Variants in CADM2 observed in about 807,000 individuals in gnomAD.
CADM2 encodes the protein immunoglobulin superfamily member 4D.
Under a neutral mutation model 49.8 loss-of-function variants are expected in CADM2, and 12 were observed. The ratio of observed to expected loss-of-function variants is 0.24; its 90% CI spans 0.15 to 0.39. The LOEUF is 0.39. CADM2 is among the 10% of genes least tolerant of loss of function. The pLI is 1.00. For synonymous variants in CADM2, 214 were observed against 175.4 expected (o/e 1.22, Z -1.74); for missense variants, 378 against 492.3 (o/e 0.77, Z 2.20).
intron 1 of CADM2, among the ~76,000 whole-genome samples, chr3:85,274,282 C>T (rs2043308811): frequency 6.6e-6 from 1 of 151,170 alleles, no homozygotes; most frequent in Admixed American, 6.6e-5. Context: ...ATATAAGAAA[C>T]GACAGCATGT....
chr3:85,568,477 T>TTC (rs1559916130), intron 1 of CADM2, among the ~76,000 whole-genome samples: 3 of 39,186 alleles, frequency 7.7e-5, no homozygotes, highest in African/African-American at 2.3e-4. Context: ...TTCTCTCTCT[T>TTC]TCTTTCTTTC....
At chr3:85,715,595 T>G (rs941258912) in intron 1 of CADM2, among the ~76,000 whole-genome samples, 6 of 152,264 alleles carry the variant, frequency 3.9e-5, no homozygotes, top group East Asian at 1.9e-4. Flanking sequence ...CATGGTGGTT[T>G]GCTTCACCCA....
chr3:85,936,913 G>T (rs1053466405), intron 7 of CADM2, among the ~76,000 whole-genome samples: 1 of 151,458 alleles, frequency 6.6e-6, no homozygotes, highest in African/African-American at 2.4e-5. Flanking sequence ...GATTGTTTTT[G>T]GTCTTCTTTC....
At chr3:85,841,772 T>C (rs2074649348) in intron 3 of CADM2, among the ~76,000 whole-genome samples, 1 of 152,022 alleles carries the variant, frequency 6.6e-6, no homozygotes. Flanking sequence ...TGCCTGCATA[T>C]AACATTATTC....
intron 1 of CADM2, among the ~76,000 whole-genome samples, chr3:85,642,117 A>G (rs1196211735): frequency 6.6e-6 from 1 of 152,180 alleles, no homozygotes; most frequent in African/African-American, 2.4e-5. Flanking sequence ...ATGGGAGGCC[A>G]TTACCCTTTG....
intron 1 of CADM2, among the ~76,000 whole-genome samples, chr3:85,375,043 AT>A (rs1383021578): frequency 6.6e-6 from 1 of 152,176 alleles, no homozygotes; most frequent in Non-Finnish European, 1.5e-5. Flanking sequence ...ATTCAACAAA[AT>A]TTATTATAGG....
intron 1 of CADM2, among the ~76,000 whole-genome samples, chr3:85,682,023 C>T (rs974213670): frequency 2.6e-5 from 4 of 152,020 alleles, no homozygotes; most frequent in Admixed American, 2.0e-4. Flanking sequence ...AGAAAGAATG[C>T]ACTTTGGTTT....
At chr3:85,158,097 C>T (rs1277096203) in intron 1 of CADM2, among the ~76,000 whole-genome samples, 1 of 152,130 alleles carries the variant, frequency 6.6e-6, no homozygotes, top group African/African-American at 2.4e-5. Context: ...AAAATGCTCA[C>T]CATCACTGGC....
At chr3:85,702,940 C>T (rs1385859726) in intron 1 of CADM2, among the ~76,000 whole-genome samples, 2 of 152,140 alleles carry the variant, frequency 1.3e-5, no homozygotes, top group African/African-American at 4.8e-5. Context: ...GCATTTCCTG[C>T]TCCTTTCAAT....
chr3:85,097,978 T>C, intron 1 of CADM2, among the ~76,000 whole-genome samples: 1 of 152,132 alleles, frequency 6.6e-6, no homozygotes, highest in East Asian at 1.9e-4. Context: ...GAATAAACTC[T>C]TTTTCAGACA....
intron 1 of CADM2, among the ~76,000 whole-genome samples, chr3:85,232,155 T>C (rs1221001804): frequency 6.6e-6 from 1 of 150,458 alleles, no homozygotes; most frequent in Non-Finnish European, 1.5e-5. Context: ...ATTATTATTA[T>C]TATTATTATT....
chr3:85,690,175 C>T (rs183789797), intron 1 of CADM2, among the ~76,000 whole-genome samples: 1 of 152,274 alleles, frequency 6.6e-6, no homozygotes, highest in East Asian at 1.9e-4. Context: ...CAGAATGACT[C>T]TATCTCTAGA....
intron 1 of CADM2, among the ~76,000 whole-genome samples, chr3:85,285,369 A>G (rs2106907852): frequency 6.6e-6 from 1 of 152,256 alleles, no homozygotes; most frequent in East Asian, 1.9e-4. Flanking sequence ...TCAAAAACCA[A>G]TACCTAGGCA....
At chr3:85,708,162 C>G (rs1442435717) in intron 1 of CADM2, among the ~76,000 whole-genome samples, 2 of 152,022 alleles carry the variant, frequency 1.3e-5, no homozygotes, top group African/African-American at 4.8e-5. Context: ...GTAAACATGT[C>G]AAATCTTTTT....
Position 85,935,695 on chromosome 3 carries a change from A to T in CADM2, c.701-72A>T, listed in dbSNP as rs1349802473. ...ATATAAGAAATGCTGAACACACAGC[A>T]TGATGCACAGTTATTAAATATCTAG... On this transcript the variant is annotated intron_variant, in intron 6 of 9. Coordinates refer to ENST00000383699, the MANE Select transcript of CADM2 (RefSeq NM_001167675.2). The T allele has an allele frequency of 3.8e-5, 26 of 691,896 alleles. No individual in the cohort carries two copies. In the East Asian group the frequency reaches 6.8e-4, roughly 18 times the overall value. The allele number at this position is 691,896 out of a possible 1,614,324, so 42.9% of individuals were successfully genotyped here. A position where few individuals can be genotyped will look rare whatever the true frequency, so the allele number is the denominator to read the frequency against.
At chr3:85,347,610 A>AT (rs1421582551) in intron 1 of CADM2, among the ~76,000 whole-genome samples, 2 of 90,050 alleles carry the variant, frequency 2.2e-5, no homozygotes, top group African/African-American at 6.6e-5. Flanking sequence ...TATATATAAA[A>AT]ATATATATAC....
chr3:85,325,702 A>AAG (rs1553708909), intron 1 of CADM2, among the ~76,000 whole-genome samples: 2 of 151,778 alleles, frequency 1.3e-5, no homozygotes, highest in African/African-American at 4.8e-5. Flanking sequence ...AAAAAAAAAA[A>AAG]AAAAAAGTGT....
chr3:85,199,333 TTGTGTGTGTG>T (rs35067183), intron 1 of CADM2, among the ~76,000 whole-genome samples: 3 of 134,482 alleles, frequency 2.2e-5, no homozygotes, highest in Non-Finnish European at 3.1e-5. Context: ...GTAACTCTCT[TTGTGTGTGTG>T]TGTGTGTGTG....
intron 1 of CADM2, among the ~76,000 whole-genome samples, chr3:85,336,983 T>G: frequency 7.7e-6 from 1 of 129,696 alleles, no homozygotes; most frequent in East Asian, 2.2e-4. Context: ...ATATTTAATA[T>G]ATATATATTT....
Sources: allele counts gnomAD v4.1 joint callset (sites outside exome capture counted in the v4.1 genomes callset), GRCh38; gene constraint gnomAD v4.1.1; transcripts MANE v1.5; gene names NCBI Gene and HGNC (gene_info 2026-07-23, HGNC 2026-07-21).